SULF2: variants seen among roughly 807,000 people sequenced by gnomAD.
SULF2 encodes the protein extracellular sulfatase Sulf-2.
In SULF2, 52 loss-of-function variants were observed where a neutral mutation model predicts 107.7. That is an observed-to-expected ratio of 0.48 (90% CI 0.39 to 0.61). SULF2 has a LOEUF of 0.61. SULF2 is among the 20% of genes least tolerant of loss of function. SULF2 has a pLI of 0.00. For synonymous variants in SULF2, 460 were observed against 464.3 expected (o/e 0.99, Z 0.12); for missense variants, 993 against 1,177.3 (o/e 0.84, Z 2.29).
intron 1 of SULF2, among the ~76,000 whole-genome samples, chr20:47,778,716 C>T (rs746293332): frequency 7.9e-5 from 12 of 152,038 alleles, no homozygotes; most frequent in Admixed American, 1.3e-4. Context: ...AGAAACCAGG[C>T]GATGAAGAAG....
intron 3 of SULF2, among the ~76,000 whole-genome samples, chr20:47,726,527 G>C (rs765385413): frequency 1.5e-4 from 23 of 152,278 alleles, no homozygotes; most frequent in Admixed American, 5.2e-4. Flanking sequence ...TGCTGTCCAA[G>C]AGTCCTTTCT....
intron 3 of SULF2, among the ~76,000 whole-genome samples, chr20:47,728,309 G>A (rs771131913): frequency 6.6e-6 from 1 of 152,202 alleles, no homozygotes; most frequent in Non-Finnish European, 1.5e-5. Flanking sequence ...AGAGAAGGCT[G>A]CCATTGTGAA....
In SULF2 at chr20:47,746,971, ACT is replaced by A. The variant is rs1387416779; in HGVS notation, c.176-10031_176-10030del. On this transcript the variant is annotated intron_variant, in intron 2 of 20. Coordinates refer to ENST00000688720, the MANE Select transcript of SULF2 (RefSeq NM_001387048.1). ...GCACGTTGTGCACATGTACCCTAGA[ACT>A]TAAATAAATAAAAAAAAAAAAATAT... Among the ~76,000 whole-genome samples the A allele has an allele frequency of 3.4e-5, 3 of 88,840 alleles. 1 individual carries two copies. Among genetic ancestry groups the A allele is most frequent in the Non-Finnish European group, 6.5e-5 (3 of 46,114 alleles). 58.3% of individuals were successfully genotyped at this position (88,840 alleles called of 152,430 possible).
chr20:47,778,072 T>C (rs2122690514), intron 1 of SULF2, among the ~76,000 whole-genome samples: 1 of 151,374 alleles, frequency 6.6e-6, no homozygotes, highest in Middle Eastern at 3.4e-3. Context: ...GCTTGGGAGG[T>C]TGAGGTGGTA....
At chr20:47,751,608 G>A (rs575758155) in intron 2 of SULF2, among the ~76,000 whole-genome samples, 1 of 152,174 alleles carries the variant, frequency 6.6e-6, no homozygotes, top group Non-Finnish European at 1.5e-5. Flanking sequence ...GAAAGCTGAG[G>A]TCAGGGAGAT....
intron 1 of SULF2, among the ~76,000 whole-genome samples, chr20:47,769,781 GGA>G (rs1255681480): frequency 6.6e-6 from 1 of 152,214 alleles, no homozygotes; most frequent in East Asian, 1.9e-4. Flanking sequence ...GAGGGAGGTT[GGA>G]GTGCTAGGGA....
chr20:47,666,906 T>C lies in SULF2; in HGVS notation c.1577-418A>G, dbSNP rs2087294355. On this transcript the variant is annotated intron_variant, in intron 11 of 20. Transcript: ENST00000688720. The surrounding 1 kb of genome is among the most constrained non-coding windows in gnomAD (Gnocchi z 5.4). ...AAAGCGGGCTCGTATTGTTACATTC[T>C]ATTTATAGGAACTACCCAGAATAGG... Among the ~76,000 whole-genome samples, 1 of 152,228 alleles carries C rather than the reference T, an allele frequency of 6.6e-6. No homozygotes were observed. Among genetic ancestry groups the C allele is most frequent in the African/African-American group, 2.4e-5 (1 of 41,458 alleles).
chr20:47,710,968 T>C (rs2088908211), intron 3 of SULF2, among the ~76,000 whole-genome samples: 1 of 152,164 alleles, frequency 6.6e-6, no homozygotes, highest in Non-Finnish European at 1.5e-5. Flanking sequence ...TTGTAATAAT[T>C]GCATTTGTGG....
Position 47,677,148 on chromosome 20 carries a change from C to T in SULF2, c.1194-14G>A, listed in dbSNP as rs201389095. The T allele has an allele frequency of 9.6e-5, 155 of 1,613,502 alleles. No homozygotes were observed. Among genetic ancestry groups the T allele is most frequent in the Middle Eastern group, 8.3e-4 (5 of 6,060 alleles). ...TTCAAGTGAAACCTGGAAAAAAGCACGGCTCCTGCTTCTCAGCAACATGAG... is the reference window on the plus strand; with the variant it reads ...TTCAAGTGAAACCTGGAAAAAAGCATGGCTCCTGCTTCTCAGCAACATGAG... On this transcript the variant is annotated splice_polypyrimidine_tract_variant and intron_variant, in intron 8 of 20. Coordinates refer to ENST00000688720, the MANE Select transcript of SULF2 (RefSeq NM_001387048.1).
At chr20:47,748,317 A>G (rs1040897739) in intron 2 of SULF2, among the ~76,000 whole-genome samples, 1 of 152,156 alleles carries the variant, frequency 6.6e-6, no homozygotes, top group Non-Finnish European at 1.5e-5. Context: ...GGGTTTCCAC[A>G]TGAATGTCTC....
At chr20:47,659,520 A>C in intron 19 of SULF2, 68 bp from the exon 20 acceptor site, 1 of 1,557,276 alleles carries the variant, frequency 6.4e-7, no homozygotes, top group Non-Finnish European at 8.9e-7. Context: ...TCCCCAAAGA[A>C]CTATACAAAG....
chr20:47,745,880 G>A (rs971673062), intron 2 of SULF2, among the ~76,000 whole-genome samples: 1 of 152,172 alleles, frequency 6.6e-6, no homozygotes, highest in Admixed American at 6.5e-5. Context: ...AAAAAACGGA[G>A]TCCCTCTAGA....
intron 1 of SULF2, among the ~76,000 whole-genome samples, chr20:47,784,932 C>T (rs1196097489): frequency 6.6e-6 from 1 of 152,172 alleles, no homozygotes; most frequent in African/African-American, 2.4e-5. Context: ...CGGACAAGCC[C>T]CACGTGGGCT....
intron 1 of SULF2, among the ~76,000 whole-genome samples, chr20:47,778,829 TA>T (rs1367681550): frequency 6.6e-6 from 1 of 152,050 alleles, no homozygotes; most frequent in African/African-American, 2.4e-5. Context: ...TGACAGGCAC[TA>T]GGGGGAGGCT....
chr20:47,757,475 G>A lies in SULF2; in HGVS notation c.-100-12C>T, dbSNP rs987262731. 2 of 1,228,826 alleles carry A rather than the reference G, an allele frequency of 1.6e-6. No homozygotes were observed. The highest frequency in any genetic ancestry group is 3.1e-5 in the African/African-American group (2 of 65,366). The allele number at this position is 1,228,826 out of a possible 1,614,324, so 76.1% of individuals were successfully genotyped here. A position where few individuals can be genotyped will look rare whatever the true frequency, so the allele number is the denominator to read the frequency against. ...CTTCACTCGCAGATCTAGAGGAGGA[G>A]GAAGAATCAGGTCAATATTTATGTC... is the stretch of plus-strand genomic sequence containing the variant. On this transcript the variant is annotated splice_polypyrimidine_tract_variant and intron_variant, in intron 1 of 20. Transcript: ENST00000688720.
rs376107268 is a variant in SULF2 at position 47,677,169 on chromosome 20, A to C, written c.1194-35T>G. 4.4e-5 allele frequency: 71 copies of C among 1,611,806 alleles called. No homozygotes were observed. The African/African-American group carries it at 7.0e-4, about 16-fold the overall frequency. The stretch of plus-strand genomic sequence containing the variant: ...AGCACGGCTCCTGCTTCTCAGCAAC[A>C]TGAGGGCTTCCCACGACCCCCCGTT... On this transcript the variant is annotated intron_variant, in intron 8 of 20. Coordinates refer to ENST00000688720, the MANE Select transcript of SULF2 (RefSeq NM_001387048.1).
At position 47,693,206 on chromosome 20, in the gene SULF2, G is replaced by A. The variant is rs74376808; in HGVS notation, c.568-2911C>T. On this transcript the variant is annotated intron_variant, in intron 4 of 20. Transcript: ENST00000688720. ...AACGTGATATAAAGGTATTAGAAAA[G>A]TTCTTAAAATGACAAAGGTAATTTA... Among the ~76,000 whole-genome samples the A allele has an allele frequency of 9.9e-3, 1,504 of 152,310 alleles. 13 individuals are homozygous for A. Among genetic ancestry groups the A allele is most frequent in the Non-Finnish European group, 0.015 (1,048 of 68,028 alleles).
At chr20:47,712,650 G>A (rs1401752774) in intron 3 of SULF2, among the ~76,000 whole-genome samples, 3 of 152,210 alleles carry the variant, frequency 2.0e-5, no homozygotes, top group Non-Finnish European at 4.4e-5. Flanking sequence ...GAGGTACACA[G>A]CTGTGCAAGG....
rs569783371 is a variant in SULF2 at position 47,683,943 on chromosome 20, A to G, written c.888+488T>C. On this transcript the variant is annotated intron_variant, in intron 6 of 20. Coordinates refer to ENST00000688720, the MANE Select transcript of SULF2 (RefSeq NM_001387048.1). Reference sequence around the variant, plus strand: ...ATTTATAGGAAGTGTGCAGAACACCAAATCTATAGAGACAGAAAGAGATCA... The same window carrying G: ...ATTTATAGGAAGTGTGCAGAACACCGAATCTATAGAGACAGAAAGAGATCA... Among the ~76,000 whole-genome samples, 7 of 152,320 alleles carry G rather than the reference A, an allele frequency of 4.6e-5. No homozygotes were observed. In the South Asian group the frequency reaches 1.5e-3, roughly 32 times the overall value.
Sources: gnomAD v4.1 joint callset for allele counts (sites outside exome capture counted in the v4.1 genomes callset) on GRCh38, gnomAD v4.1.1 for gene constraint, Gnocchi (gnomAD v3.1) non-coding constraint, MANE v1.5 for transcripts, NCBI Gene and HGNC (gene_info 2026-07-23, HGNC 2026-07-21) for gene names.